The following MGAT4C variants were observed in gnomAD, a reference collection of about 807,000 sequenced individuals.
MGAT4C encodes the protein alpha-1,3-mannosyl-glycoprotein 4-beta-N-acetylglucosaminyltransferase C.
In MGAT4C, 19 loss-of-function variants were observed where a neutral mutation model predicts 40.1. That is an observed-to-expected ratio of 0.47 (90% CI 0.33 to 0.70). MGAT4C has a LOEUF of 0.70. Among genes scored for constraint, MGAT4C ranks in the 30% least tolerant of loss-of-function variants. MGAT4C has a pLI of 0.02. For synonymous variants in MGAT4C, 181 were observed against 187.1 expected (o/e 0.97, Z 0.27); for missense variants, 491 against 563.2 (o/e 0.87, Z 1.30).
chr12:86,044,278 C>T (rs1484756797), intron 2 of MGAT4C, among the ~76,000 whole-genome samples: 3 of 152,140 alleles, frequency 2.0e-5, no homozygotes, highest in Non-Finnish European at 4.4e-5. Flanking sequence ...AGACTGCAGT[C>T]CATAACAATC....
At chr12:86,660,649 G>GGCTGCTAA (rs1963958751) in intron 2 of MGAT4C, among the ~76,000 whole-genome samples, 1 of 152,078 alleles carries the variant, frequency 6.6e-6, no homozygotes, top group Admixed American at 6.6e-5. Context: ...GTGCAGTGAA[G>GGCTGCTAA]GCTGCTAAGG....
At chr12:86,420,776 C>CATATATATATAT (rs55902338) in intron 3 of MGAT4C, among the ~76,000 whole-genome samples, 5 of 144,190 alleles carry the variant, frequency 3.5e-5, no homozygotes, top group African/African-American at 5.2e-5. Flanking sequence ...ATTTACCTGA[C>CATATATATATAT]ATATATATAT....
intron 1 of MGAT4C, among the ~76,000 whole-genome samples, chr12:86,138,925 A>C (rs1882432897): frequency 6.6e-6 from 1 of 151,938 alleles, no homozygotes; most frequent in African/African-American, 2.4e-5. Context: ...AGACAATAAT[A>C]TCCTGTGCAA....
chr12:86,397,972 T>C (rs1213563699), intron 3 of MGAT4C, among the ~76,000 whole-genome samples: 2 of 152,116 alleles, frequency 1.3e-5, no homozygotes, highest in South Asian at 2.1e-4. Flanking sequence ...ATTTTTTTAA[T>C]TGTGTAATAA....
At chr12:86,712,949 G>A (rs1950583981) in intron 2 of MGAT4C, among the ~76,000 whole-genome samples, 1 of 152,042 alleles carries the variant, frequency 6.6e-6, no homozygotes, top group African/African-American at 2.4e-5. Flanking sequence ...ATCATTTCAT[G>A]GATAGAAATT....
At chr12:86,808,820 T>A (rs1313576489) in intron 1 of MGAT4C, among the ~76,000 whole-genome samples, 1 of 151,986 alleles carries the variant, frequency 6.6e-6, no homozygotes, top group Non-Finnish European at 1.5e-5. Flanking sequence ...TCTTTTCAAA[T>A]AGGAAGAGAG....
At chr12:86,566,362 C>A (rs1466216296) in intron 2 of MGAT4C, among the ~76,000 whole-genome samples, 1 of 150,968 alleles carries the variant, frequency 6.6e-6, no homozygotes, top group African/African-American at 2.4e-5. Flanking sequence ...CTTGGACTGG[C>A]CTCCCAGCCT....
Position 86,620,878 on chromosome 12 carries a change from CCCA to C in MGAT4C, c.-229+106328_-229+106330del, listed in dbSNP as rs755935332. ...CCTTTCTCTCTCTCTTCCTCCTGCTCCCACCATGTAAGACACACTTGCTTCCCC... is the reference window on the plus strand; with the variant it reads ...CCTTTCTCTCTCTCTTCCTCCTGCTCCCATGTAAGACACACTTGCTTCCCC... On this transcript the variant is annotated intron_variant, in intron 2 of 7. Transcript: ENST00000548651. Among the ~76,000 whole-genome samples, 9 of 152,088 alleles carry C rather than the reference CCCA, an allele frequency of 5.9e-5. No individual in the cohort carries two copies. The East Asian group carries it at 1.7e-3, about 29-fold the overall frequency.
intron 3 of MGAT4C, among the ~76,000 whole-genome samples, chr12:86,420,480 C>T (rs1289936322): frequency 1.3e-5 from 2 of 151,946 alleles, no homozygotes; most frequent in African/African-American, 2.4e-5. Context: ...TCTCTAAATT[C>T]GCAATATTTA....
chr12:86,625,873 T>C (rs548472326), intron 2 of MGAT4C, among the ~76,000 whole-genome samples: 1 of 152,056 alleles, frequency 6.6e-6, no homozygotes, highest in Non-Finnish European at 1.5e-5. Flanking sequence ...AATAGAAACA[T>C]AGTAAATATA....
chr12:86,013,779 A>T (rs1163389328), intron 2 of MGAT4C: 34 of 962,952 alleles, frequency 3.5e-5, no homozygotes, highest in Non-Finnish European at 4.2e-5. Context: ...AAAAAAAAAA[A>T]GACTTTCTTA....
intron 2 of MGAT4C, among the ~76,000 whole-genome samples, chr12:86,561,038 T>G (rs1229539762): frequency 2.0e-5 from 3 of 152,118 alleles, no homozygotes; most frequent in Non-Finnish European, 4.4e-5. Context: ...AAAAGCACTT[T>G]CATTTAAAGT....
intron 2 of MGAT4C, among the ~76,000 whole-genome samples, chr12:85,998,963 A>T (rs1886966447): frequency 6.6e-6 from 1 of 152,172 alleles, no homozygotes; most frequent in South Asian, 2.1e-4. Context: ...GCTGATAAAG[A>T]CATACCTGAG....
chr12:86,632,650 C>G (rs1051123462), intron 2 of MGAT4C, among the ~76,000 whole-genome samples: 6 of 151,560 alleles, frequency 4.0e-5, no homozygotes, highest in African/African-American at 7.3e-5. Context: ...AGCAAACTAT[C>G]GCAAGGACAG....
At chr12:86,347,071 G>T (rs1955051321) in intron 3 of MGAT4C, among the ~76,000 whole-genome samples, 1 of 152,092 alleles carries the variant, frequency 6.6e-6, no homozygotes, top group Non-Finnish European at 1.5e-5. Context: ...GTTTTGAAGT[G>T]TTGGGACTTG....
At chr12:86,023,870 G>A (rs1016059904) in intron 2 of MGAT4C, among the ~76,000 whole-genome samples, 1 of 151,666 alleles carries the variant, frequency 6.6e-6, no homozygotes, top group East Asian at 1.9e-4. Context: ...TCACTTCCAT[G>A]TAGAGAAACT....
chr12:86,499,613 C>A (rs1362871229), intron 2 of MGAT4C, among the ~76,000 whole-genome samples: 2 of 151,802 alleles, frequency 1.3e-5, no homozygotes, highest in Admixed American at 6.6e-5. Context: ...CTATTTGTCA[C>A]CTTTCTGCTT....
chr12:86,273,057 C>T (rs2136109724), intron 4 of MGAT4C, among the ~76,000 whole-genome samples: 1 of 151,906 alleles, frequency 6.6e-6, no homozygotes, highest in Admixed American at 6.6e-5. Flanking sequence ...TTTTTGGAGT[C>T]CTTTAAACTG....
In MGAT4C at chr12:86,111,991, T is replaced by C. The variant is rs543141227; in HGVS notation, c.-56-62268A>G. ...GTTGGCATAAAATGCCAAATATGTA[T>C]GTACATGTGTATACTGTGCAAGTAT... On this transcript the variant is annotated intron_variant, in intron 1 of 4. Transcript: ENST00000611864. Among the ~76,000 whole-genome samples, 13 of 151,966 alleles carry C rather than the reference T, an allele frequency of 8.6e-5. No individual in the cohort carries two copies. The East Asian group carries it at 2.3e-3, about 27-fold the overall frequency.
Sources: gnomAD v4.1 joint callset for allele counts (sites outside exome capture counted in the v4.1 genomes callset) on GRCh38, gnomAD v4.1.1 for gene constraint, MANE v1.5 for transcripts, NCBI Gene and HGNC (gene_info 2026-07-23, HGNC 2026-07-21) for gene names.